The following EYA1 variants were observed in gnomAD, a reference collection of about 807,000 sequenced individuals.
EYA1 encodes the protein protein phosphatase EYA1.
EYA1 carries 16 observed loss-of-function variants against 82.0 expected under a neutral mutation model. The observed-to-expected ratio is 0.20, with a 90% CI of 0.13 to 0.30. The LOEUF (loss-of-function observed/expected upper bound fraction) is 0.30. Among genes scored for constraint, EYA1 ranks in the 10% least tolerant of loss-of-function variants. The pLI, the probability that EYA1 is intolerant of heterozygous loss-of-function variation, is 1.00. For synonymous variants in EYA1, 261 were observed against 264.4 expected, an observed-to-expected ratio of 0.99 and a Z score of 0.12; for missense variants, 633 against 730.7, an observed-to-expected ratio of 0.87 and a Z score of 1.54.
chr8:71,391,304 A>C (rs968577287), intron 2 of EYA1, among the ~76,000 whole-genome samples: 4 of 152,100 alleles, frequency 2.6e-5, no homozygotes, highest in African/African-American at 9.7e-5. Context: ...TCTTTTGTTA[A>C]TAGCTTCCGT....
chr8:71,366,291 T>C (rs1341520708), upstream of EYA1, among the ~76,000 whole-genome samples: 1 of 152,208 alleles, frequency 6.6e-6, no homozygotes, highest in Non-Finnish European at 1.5e-5. Flanking sequence ...ACAGATTTCC[T>C]ATTTTAAAAT....
chr8:71,269,801 T>C lies in EYA1; in HGVS notation c.989A>G (p.Asp330Gly). ...DLERVFIWDLDETIIVFHSLL... is the reference protein window; with the variant it reads ...DLERVFIWDLGETIIVFHSLL... ...GGAGTGGAAAACAATGATTGTCTCATCCAAGTCCCAGATGAACACTCTCTA... is the reference window on the plus strand; with the variant it reads ...GGAGTGGAAAACAATGATTGTCTCACCCAAGTCCCAGATGAACACTCTCTA... Residue 330 changes from aspartate to glycine, a missense_variant, in exon 11 of 18, where the codon GAT becomes GGT. Physicochemically the swap from Asp to Gly is moderately conservative, Grantham distance 94. Coordinates refer to ENST00000340726, the MANE Select transcript of EYA1 (RefSeq NM_000503.6). The C allele has an allele frequency of 1.2e-6, 2 of 1,613,726 alleles. No individual in the cohort carries two copies. Among genetic ancestry groups the C allele is most frequent in the South Asian group, 1.1e-5 (1 of 91,086 alleles).
intron 1 of EYA1, among the ~76,000 whole-genome samples, chr8:71,359,628 CAGCAGCACAG>C (rs1363069498): frequency 1.3e-5 from 2 of 152,158 alleles, no homozygotes; most frequent in Non-Finnish European, 2.9e-5. Context: ...TTCTAAATCT[CAGCAGCACAG>C]AGCAAATAAA....
chr8:71,392,587 G>C (rs1249904525), intron 2 of EYA1, among the ~76,000 whole-genome samples: 1 of 152,178 alleles, frequency 6.6e-6, no homozygotes, highest in Non-Finnish European at 1.5e-5. Context: ...CATCTTGGCT[G>C]TCACTGGAAA....
At chr8:71,433,925 C>G (rs879338158) in intron 2 of EYA1, among the ~76,000 whole-genome samples, 10 of 152,206 alleles carry the variant, frequency 6.6e-5, no homozygotes, top group Non-Finnish European at 1.5e-4. Context: ...GCAGATGGAG[C>G]AGGCAGTTAA....
At chr8:71,465,516 A>G (rs1339884483) in intron 2 of EYA1, among the ~76,000 whole-genome samples, 1 of 152,088 alleles carries the variant, frequency 6.6e-6, no homozygotes, top group East Asian at 1.9e-4. Context: ...CCAGCTACTC[A>G]GGAGGCTGAG....
At chr8:71,273,403 G>A (rs1270260410) in intron 9 of EYA1, among the ~76,000 whole-genome samples, 2 of 152,214 alleles carry the variant, frequency 1.3e-5, no homozygotes, top group African/African-American at 4.8e-5. Flanking sequence ...TGGCTTGTCA[G>A]TTAATCATTC....
At chr8:71,475,494 G>A (rs1325105111) in intron 2 of EYA1, among the ~76,000 whole-genome samples, 1 of 152,034 alleles carries the variant, frequency 6.6e-6, no homozygotes, top group Non-Finnish European at 1.5e-5. Context: ...TCTTTTTATA[G>A]GCAAAAATAT....
chr8:71,431,708 AGTAT>A (rs1805628863), intron 2 of EYA1, among the ~76,000 whole-genome samples: 1 of 152,186 alleles, frequency 6.6e-6, no homozygotes, highest in South Asian at 2.1e-4. Context: ...GACTTAGGGA[AGTAT>A]TAGTCTGTGT....
chr8:71,350,918 C>T (rs1826244036), intron 3 of EYA1, among the ~76,000 whole-genome samples: 1 of 152,170 alleles, frequency 6.6e-6, no homozygotes, highest in Non-Finnish European at 1.5e-5. Flanking sequence ...TTTAGGGCCA[C>T]AGCCCTGAAT....
intron 17 of EYA1, among the ~76,000 whole-genome samples, chr8:71,210,318 G>GGTATTAGGGAAAAGATTC (rs1808344046): frequency 6.6e-6 from 1 of 152,282 alleles, no homozygotes; most frequent in South Asian, 2.1e-4. Context: ...ATGACGGAAT[G>GGTATTAGGGAAAAGATTC]GTATTAGGGA....
intron 3 of EYA1, among the ~76,000 whole-genome samples, chr8:71,334,759 C>T (rs557293925): frequency 1.4e-4 from 22 of 152,318 alleles, no homozygotes; most frequent in African/African-American, 5.1e-4. Context: ...TTTATGTATG[C>T]TTCGTACCAA....
intron 2 of EYA1, among the ~76,000 whole-genome samples, chr8:71,406,051 A>G (rs1458986210): frequency 6.6e-6 from 1 of 152,186 alleles, no homozygotes; most frequent in Admixed American, 6.5e-5. Flanking sequence ...TTTAACAACC[A>G]GTGGCATATT....
intron 2 of EYA1, among the ~76,000 whole-genome samples, chr8:71,405,074 A>G (rs1207740235): frequency 6.6e-6 from 1 of 152,130 alleles, no homozygotes; most frequent in Non-Finnish European, 1.5e-5. Flanking sequence ...ATTCAGGCCA[A>G]TTTTTACAAA....
intron 2 of EYA1, among the ~76,000 whole-genome samples, chr8:71,413,373 C>T (rs1431414825): frequency 6.6e-6 from 1 of 152,176 alleles, no homozygotes; most frequent in African/African-American, 2.4e-5. Flanking sequence ...TCCATATGCT[C>T]AGTATATTAT....
rs572978207 is a variant in EYA1 at position 71,521,067 on chromosome 8, T to A, written c.33+14677A>T. 6.6e-4 allele frequency among the ~76,000 whole-genome samples: 97 copies of A among 146,570 alleles called. No homozygotes were observed. In the East Asian group the frequency reaches 0.015, roughly 23 times the overall value. The stretch of plus-strand genomic sequence containing the variant: ...ATCCTACACTTGGGTCACCTCTTTT[T>A]AAAAAAAAAAAATCTTTATTTTTTT... On this transcript the variant is annotated intron_variant, in intron 2 of 18. Transcript: ENST00000643681.
At position 71,299,648 on chromosome 8, in the gene EYA1, C is replaced by A. The variant is rs1202544664; in HGVS notation, c.629G>T (p.Ser210Ile). ...NSLTNSSGFN[S>I]SQQDYPSYPS... ...GGCTTTTTAAATTACCTGCTGTGAACTATTAAATCCAGAGGAATTTGTGAG... is the reference window on the plus strand; with the variant it reads ...GGCTTTTTAAATTACCTGCTGTGAAATATTAAATCCAGAGGAATTTGTGAG... Residue 210 changes from serine (S) to isoleucine (I), a missense_variant, in exon 8 of 18, where the codon AGT becomes ATT. Ser to Ile is a moderately radical substitution (Grantham distance 142). Transcript: ENST00000340726. 6.4e-7 allele frequency: 1 copy of A among 1,571,154 alleles called. No homozygotes were observed. Among genetic ancestry groups the A allele is most frequent in the South Asian group, 1.1e-5 (1 of 90,162 alleles).
chr8:71,453,135 G>T (rs1433906193), intron 2 of EYA1, among the ~76,000 whole-genome samples: 2 of 152,220 alleles, frequency 1.3e-5, no homozygotes, highest in Non-Finnish European at 2.9e-5. Context: ...ACAAGCTTCA[G>T]TAGATGATTC....
At chr8:71,260,917 C>A (rs1028618287) in intron 11 of EYA1, among the ~76,000 whole-genome samples, 1 of 152,134 alleles carries the variant, frequency 6.6e-6, no homozygotes, top group African/African-American at 2.4e-5. Flanking sequence ...TAAACAATTC[C>A]TTACTTAGAA....
Sources: allele counts gnomAD v4.1 joint callset (sites outside exome capture counted in the v4.1 genomes callset), GRCh38; gene constraint gnomAD v4.1.1; transcripts MANE v1.5; gene names NCBI Gene and HGNC (gene_info 2026-07-23, HGNC 2026-07-21).